Variants in BCR observed in about 807,000 individuals in gnomAD.
BCR encodes the protein breakpoint cluster region protein.
A neutral mutation model predicts 138.6 loss-of-function variants in BCR; 58 were observed. The ratio of observed to expected loss-of-function variants is 0.42; its 90% confidence interval spans 0.34 to 0.52. BCR has a LOEUF of 0.52. BCR is among the 20% of genes least tolerant of loss of function. The pLI is 0.06. For synonymous variants in BCR, 786 were observed against 730.1 expected, an observed-to-expected ratio of 1.08 and a Z score of -1.23; for missense variants, 1,599 against 1,727.2, an observed-to-expected ratio of 0.93 and a Z score of 1.32.
Position 23,201,875 on chromosome 22 carries a change from G to C in BCR, c.1279+19636G>C, listed in dbSNP as rs1716826659. ...AGGTTTTGAAAGGCTGGCATCTCAA[G>C]AGGGGAGCAGATGAAGAGTCATGGG... On this transcript the variant is annotated intron_variant, in intron 1 of 22. Coordinates refer to ENST00000305877, the MANE Select transcript of BCR (RefSeq NM_004327.4). Among the ~76,000 whole-genome samples the C allele has an allele frequency of 2.0e-5, 3 of 152,318 alleles. No homozygotes were observed. In the South Asian group the frequency reaches 6.2e-4, roughly 32 times the overall value.
Position 23,315,627 on chromosome 22 carries a change from C to G in BCR, c.*105C>G. ...TTCCTGAGGTGTCCTTGGGCCACCC[C>G]CAAGTGTTGGGCCATCTGCCAAGAG... On this transcript the variant is annotated 3_prime_UTR_variant, in exon 23 of 23. Coordinates refer to ENST00000305877, the MANE Select transcript of BCR (RefSeq NM_004327.4). The G allele has an allele frequency of 2.8e-6, 3 of 1,088,912 alleles. No individual in the cohort carries two copies. The highest frequency in any genetic ancestry group is 2.6e-5 in the South Asian group (2 of 76,410). 67.5% of individuals were successfully genotyped at this position (1,088,912 alleles called of 1,614,324 possible).
At chr22:23,237,036 G>A (rs1233589381) in intron 1 of BCR, among the ~76,000 whole-genome samples, 3 of 152,348 alleles carry the variant, frequency 2.0e-5, no homozygotes, top group Admixed American at 1.3e-4. Flanking sequence ...AGATACCTCT[G>A]AGAGCCTTTC....
chr22:23,282,809 C>T (rs2073664043), intron 8 of BCR, among the ~76,000 whole-genome samples: 1 of 152,226 alleles, frequency 6.6e-6, no homozygotes, highest in African/African-American at 2.4e-5. Flanking sequence ...GGGCGGGCGT[C>T]GTCCTCCCTG....
At chr22:23,182,374 G>A in intron 1 of BCR, 135 bp downstream of exon 1, 2 of 1,055,352 alleles carry the variant, frequency 1.9e-6, no homozygotes, top group South Asian at 1.7e-5. Context: ...TGTGGTTCAC[G>A]CGGATCCTGC....
intron 4 of BCR, among the ~76,000 whole-genome samples, chr22:23,266,669 C>T (rs1602083351): frequency 6.6e-6 from 1 of 152,234 alleles, no homozygotes; most frequent in Non-Finnish European, 1.5e-5. Context: ...GGATTACAGG[C>T]CGCCGTGCCC....
intron 5 of BCR, among the ~76,000 whole-genome samples, chr22:23,270,636 A>G (rs541160314): frequency 6.6e-6 from 1 of 152,354 alleles, no homozygotes; most frequent in East Asian, 1.9e-4. Flanking sequence ...GTGAGCTGGA[A>G]AACACTTTCG....
chr22:23,265,062 G>A (rs2073423069), intron 4 of BCR: 1 of 152,018 alleles, frequency 6.6e-6, no homozygotes, highest in South Asian at 2.1e-4. Flanking sequence ...TCGTGTTGTT[G>A]GGGGGAAAAA....
intron 1 of BCR, among the ~76,000 whole-genome samples, chr22:23,234,663 G>A (rs1487637125): frequency 6.9e-6 from 1 of 145,938 alleles, no homozygotes; most frequent in Non-Finnish European, 1.6e-5. Flanking sequence ...GAGGCCATCT[G>A]GATGGGGAAG....
At chr22:23,306,903 AG>A (rs1224206971) in intron 16 of BCR, 2 of 152,650 alleles carry the variant, frequency 1.3e-5, no homozygotes, top group African/African-American at 2.4e-5. Context: ...CCGTGGTTCC[AG>A]GGGGGCTTTG....
At chr22:23,310,092 C>T (rs1239931179) in intron 17 of BCR, 5 of 504,872 alleles carry the variant, frequency 9.9e-6, no homozygotes, top group South Asian at 8.2e-5. Context: ...AGAGAAGCAG[C>T]GGGGATTTTA....
At chr22:23,253,547 C>T (rs1478659469) in intron 1 of BCR, among the ~76,000 whole-genome samples, 1 of 152,208 alleles carries the variant, frequency 6.6e-6, no homozygotes, top group Non-Finnish European at 1.5e-5. Context: ...TTTCTTAAGT[C>T]ACAACCCCCT....
intron 1 of BCR, among the ~76,000 whole-genome samples, chr22:23,206,949 C>CCCTT (rs2072622830): frequency 7.7e-6 from 1 of 130,000 alleles, no homozygotes; most frequent in African/African-American, 2.9e-5. Context: ...ATTCCTCCCT[C>CCCTT]CCTCCCTCCC....
At chr22:23,282,014 C>T (rs1394073919) in intron 8 of BCR, among the ~76,000 whole-genome samples, 2 of 152,194 alleles carry the variant, frequency 1.3e-5, no homozygotes, top group African/African-American at 2.4e-5. Flanking sequence ...CTGGTGATGG[C>T]GAGAAGCTCA....
intron 4 of BCR, among the ~76,000 whole-genome samples, chr22:23,267,222 A>C (rs1207970637): frequency 6.6e-6 from 1 of 152,084 alleles, no homozygotes; most frequent in African/African-American, 2.4e-5. Flanking sequence ...TGACTTGCAA[A>C]GGAGGGAGGA....
chr22:23,184,386 A>G (rs2072312229), intron 1 of BCR, among the ~76,000 whole-genome samples: 1 of 152,138 alleles, frequency 6.6e-6, no homozygotes, highest in East Asian at 1.9e-4. Flanking sequence ...ACACCTCACC[A>G]GGCCTCTTAG....
intron 11 of BCR, 123 bp downstream of exon 11, chr22:23,287,401 G>C: frequency 7.2e-7 from 1 of 1,386,048 alleles, no homozygotes; most frequent in East Asian, 2.5e-5. Context: ...CCGGCATGGT[G>C]CATGCAAGCA....
At chr22:23,206,895 A>G (rs574184802) in intron 1 of BCR, among the ~76,000 whole-genome samples, 199 of 136,512 alleles carry the variant, frequency 1.5e-3, no homozygotes, top group African/African-American at 7.1e-3. Context: ...TTCTTTATTC[A>G]TCATCCATCC....
chr22:23,304,400 T>C (rs1212813230), intron 16 of BCR, among the ~76,000 whole-genome samples: 1 of 152,212 alleles, frequency 6.6e-6, no homozygotes, highest in East Asian at 1.9e-4. Flanking sequence ...TTTATTCATG[T>C]GGTAGCATTG....
At chr22:23,279,661 A>G (rs561254802) in intron 8 of BCR, among the ~76,000 whole-genome samples, 1 of 152,166 alleles carries the variant, frequency 6.6e-6, no homozygotes, top group South Asian at 2.1e-4. Context: ...CTCAGCTGCT[A>G]TGTGGGCTTC....
Sources: gnomAD v4.1 joint callset for allele counts (sites outside exome capture counted in the v4.1 genomes callset) on GRCh38, gnomAD v4.1.1 for gene constraint, MANE v1.5 for transcripts, NCBI Gene and HGNC (gene_info 2026-07-23, HGNC 2026-07-21) for gene names.